EFR3B: variants seen among roughly 807,000 people sequenced by gnomAD.
EFR3B encodes the protein protein EFR3 homolog B.
EFR3B carries 64 observed loss-of-function variants against 104.7 expected under a neutral mutation model. The observed-to-expected ratio is 0.61, with a 90% confidence interval of 0.50 to 0.75. EFR3B has a LOEUF of 0.75. Ranked by LOEUF, EFR3B falls within the 30% of genes least tolerant of loss-of-function variation. The pLI is 0.00. For synonymous variants in EFR3B, 385 were observed against 417.9 expected (o/e 0.92, Z 0.96); for missense variants, 750 against 1,078.5 (o/e 0.70, Z 4.27).
chr2:25,081,719 GC>G, intron 1 of EFR3B: 1 of 494,376 alleles, frequency 2.0e-6, no homozygotes, highest in Admixed American at 3.6e-5. Flanking sequence ...CCTTGGTACC[GC>G]CTGCAGCCGC....
At chr2:25,085,318 A>G in intron 1 of EFR3B, among the ~76,000 whole-genome samples, 1 of 152,228 alleles carries the variant, frequency 6.6e-6, no homozygotes, top group East Asian at 1.9e-4. Flanking sequence ...CAGGACTTAA[A>G]CACCAGTACT....
At chr2:25,123,153 A>C (rs1670067566) in intron 5 of EFR3B, among the ~76,000 whole-genome samples, 1 of 152,094 alleles carries the variant, frequency 6.6e-6, no homozygotes. Context: ...ACTTGAACCC[A>C]GGAGTTTGAG....
intron 18 of EFR3B, among the ~76,000 whole-genome samples, chr2:25,144,757 C>A (rs756374191): frequency 2.6e-5 from 4 of 152,174 alleles, no homozygotes; most frequent in Non-Finnish European, 4.4e-5. Context: ...CCCCAAAGAA[C>A]AAAACTGACC....
In EFR3B at chr2:25,131,653, G is replaced by A. The variant is rs1483140514; in HGVS notation, c.986-97G>A. 4 of 1,487,356 alleles carry A rather than the reference G, an allele frequency of 2.7e-6. No individual in the cohort carries two copies. In the East Asian group the frequency reaches 9.9e-5, roughly 37 times the overall value. 92.1% of individuals were successfully genotyped at this position (1,487,356 alleles called of 1,614,324 possible). A position where few individuals can be genotyped will look rare whatever the true frequency, so the allele number is the denominator to read the frequency against. Reference sequence around the variant, plus strand: ...AGTTGGGAGCGCAGAGGAAGCCCAGGCTGGAAGGGGGCGTGACCCTGCCCT... The same window carrying A: ...AGTTGGGAGCGCAGAGGAAGCCCAGACTGGAAGGGGGCGTGACCCTGCCCT... On this transcript the variant is annotated intron_variant, in intron 9 of 22. Transcript: ENST00000403714. The surrounding 1 kb of genome is among the most constrained non-coding windows in gnomAD (Gnocchi z 7.6).
chr2:25,122,469 C>G (rs1670043132), intron 5 of EFR3B, among the ~76,000 whole-genome samples: 1 of 152,146 alleles, frequency 6.6e-6, no homozygotes, highest in African/African-American at 2.4e-5. Flanking sequence ...CCATCAAAAT[C>G]TACACCTACC....
chr2:25,117,718 A>G (rs1049274701), intron 4 of EFR3B, among the ~76,000 whole-genome samples: 13 of 151,844 alleles, frequency 8.6e-5, no homozygotes, highest in Non-Finnish European at 1.6e-4. Context: ...GGCTCCTCTT[A>G]ATAAAATAAT....
chr2:25,136,438 T>G lies in EFR3B; in HGVS notation c.1485-85T>G. 9.2e-7 allele frequency: 1 copy of G among 1,091,174 alleles called. No homozygotes were observed. The highest frequency in any genetic ancestry group is 1.4e-5 in the South Asian group (1 of 71,686). The allele number at this position is 1,091,174 out of a possible 1,614,324, so 67.6% of individuals were successfully genotyped here. ...CTGGAGGCTTTGTACCAACTAACAATGTTGGGGATAAAGCTCAGTGACCCC... is the reference window on the plus strand; with the variant it reads ...CTGGAGGCTTTGTACCAACTAACAAGGTTGGGGATAAAGCTCAGTGACCCC... On this transcript the variant is annotated intron_variant, in intron 13 of 22. Transcript: ENST00000403714. This position sits in a 1 kb window ranked among gnomAD's most constrained non-coding sequence, Gnocchi z 4.0.
intron 4 of EFR3B, among the ~76,000 whole-genome samples, chr2:25,120,922 G>A (rs1421045555): frequency 4.6e-5 from 7 of 152,144 alleles, no homozygotes; most frequent in Admixed American, 3.9e-4. Flanking sequence ...TTTTGTTTGA[G>A]ATGGAGTCTC....
chr2:25,061,849 G>A (rs1668207266), intron 1 of EFR3B, among the ~76,000 whole-genome samples: 1 of 151,940 alleles, frequency 6.6e-6, no homozygotes, highest in Non-Finnish European at 1.5e-5. Flanking sequence ...GAGCCAGCCT[G>A]TGATTGTGGA....
Position 25,143,734 on chromosome 2 carries a change from G to A in EFR3B, c.1923-1G>A. 1 of 1,551,444 alleles carries A rather than the reference G, an allele frequency of 6.4e-7. No individual in the cohort carries two copies. The highest frequency in any genetic ancestry group is 8.7e-7 in the Non-Finnish European group (1 of 1,146,922). ...AACTTTCTCCCTCCTTCATCTTCCA[G>A]GCTGTCTCAGAATCTTGATGGGGTG... On this transcript the variant is annotated splice_acceptor_variant, in intron 17 of 22. Transcript: ENST00000403714. LOFTEE classifies it high-confidence loss of function.
chr2:25,115,575 C>A (rs905708276), intron 4 of EFR3B, among the ~76,000 whole-genome samples: 1 of 152,208 alleles, frequency 6.6e-6, no homozygotes, highest in African/African-American at 2.4e-5. Flanking sequence ...TCCCTGGAAC[C>A]TCTGCACGTT....
chr2:25,147,000 C>T (rs1372359225), intron 19 of EFR3B: 3 of 152,430 alleles, frequency 2.0e-5, no homozygotes, highest in Non-Finnish European at 4.4e-5. Context: ...TGGGGCTGCT[C>T]TCGATCTCTC....
At chr2:25,133,258 A>T in intron 11 of EFR3B, 125 bp from the exon 12 acceptor site, 1 of 1,114,704 alleles carries the variant, frequency 9.0e-7, no homozygotes, top group African/African-American at 1.5e-5. Context: ...TCCGGAAGTC[A>T]CTGTCCTGGG....
In EFR3B at chr2:25,130,192, G is replaced by A. The variant is rs1333296939; in HGVS notation, c.770+83G>A. On this transcript the variant is annotated intron_variant, in intron 7 of 22. Coordinates refer to ENST00000403714, the MANE Select transcript of EFR3B (RefSeq NM_014971.2). The surrounding 1 kb of genome is among the most constrained non-coding windows in gnomAD (Gnocchi z 4.6). ...CCCTGGCATCTCCTGGCTGGCTGGG[G>A]GGAAGGGGATATTACAGTTGTGGTG... 3.9e-6 allele frequency: 6 copies of A among 1,533,626 alleles called. No homozygotes were observed. The highest frequency in any genetic ancestry group is 5.3e-6 in the Non-Finnish European group (6 of 1,134,284).
rs570187708 is a variant in EFR3B at position 25,054,718 on chromosome 2, T to C, written c.7+12399T>C. On this transcript the variant is annotated intron_variant, in intron 1 of 22. Transcript: ENST00000403714. ...GTCATATATAGGCTGTATTTGTTAATAAAAATCCTTAGAAGGGTCTGGTTA... is the reference window on the plus strand; with the variant it reads ...GTCATATATAGGCTGTATTTGTTAACAAAAATCCTTAGAAGGGTCTGGTTA... 1.7e-3 allele frequency among the ~76,000 whole-genome samples: 262 copies of C among 152,260 alleles called. 3 individuals are homozygous for C. The highest frequency in any genetic ancestry group is 1.5e-3 in the South Asian group (7 of 4,826).
At chr2:25,121,990 C>T (rs1425917015) in intron 5 of EFR3B, among the ~76,000 whole-genome samples, 196 bp downstream of exon 5, 4 of 151,064 alleles carry the variant, frequency 2.6e-5, no homozygotes, top group Non-Finnish European at 4.4e-5. Context: ...TTTTTGAGAC[C>T]GAGTTTCACT....
At chr2:25,081,638 C>T (rs2149179812) in intron 1 of EFR3B, 1 of 669,186 alleles carries the variant, frequency 1.5e-6, no homozygotes, top group Non-Finnish European at 2.7e-6. Flanking sequence ...AGAAGGTGGC[C>T]CCGAAGGGTA....
chr2:25,114,729 C>A lies in EFR3B; in HGVS notation c.364-6944C>A, dbSNP rs1669813724. ...TCCAGCCTTGACGGACCTCCCTGAC[C>A]AAGAACATGCTTCCCTAGCTTTTTC... On this transcript the variant is annotated intron_variant, in intron 4 of 22. Coordinates refer to ENST00000403714, the MANE Select transcript of EFR3B (RefSeq NM_014971.2). The surrounding 1 kb of genome is among the most constrained non-coding windows in gnomAD (Gnocchi z 4.0). Among the ~76,000 whole-genome samples, 1 of 152,226 alleles carries A rather than the reference C, an allele frequency of 6.6e-6. No homozygotes were observed. The highest frequency in any genetic ancestry group is 1.5e-5 in the Non-Finnish European group (1 of 68,040).
chr2:25,087,826 C>T (rs1036256271), intron 1 of EFR3B, among the ~76,000 whole-genome samples: 7 of 151,326 alleles, frequency 4.6e-5, no homozygotes, highest in Admixed American at 1.3e-4. Context: ...TTCTTTCTGT[C>T]GTGGATTGTG....
Sources: gnomAD v4.1 joint callset for allele counts (sites outside exome capture counted in the v4.1 genomes callset) on GRCh38, gnomAD v4.1.1 for gene constraint, Gnocchi (gnomAD v3.1) non-coding constraint, MANE v1.5 for transcripts, NCBI Gene and HGNC (gene_info 2026-07-23, HGNC 2026-07-21) for gene names.